HK1: variants seen among roughly 807,000 people sequenced by gnomAD.
HK1 encodes the protein hexokinase-1.
Under a neutral mutation model 91.6 loss-of-function variants are expected in HK1, and 28 were observed. That is an observed-to-expected ratio of 0.31 (90% CI 0.23 to 0.42). The LOEUF is 0.42. Among genes scored for constraint, HK1 ranks in the 10% least tolerant of loss-of-function variants. HK1 has a pLI of 1.00. For synonymous variants in HK1, 430 were observed against 468.1 expected, an observed-to-expected ratio of 0.92 and a Z score of 1.05; for missense variants, 770 against 1,219.8, an observed-to-expected ratio of 0.63 and a Z score of 5.49.
intron 5 of HK1, among the ~76,000 whole-genome samples, chr10:69,304,145 A>G (rs1845998326): frequency 6.6e-6 from 1 of 152,182 alleles, no homozygotes. Flanking sequence ...CTCCAGCTGC[A>G]TGACTCCTAA....
At chr10:69,366,088 C>T (rs1849686691) in intron 4 of HK1, among the ~76,000 whole-genome samples, 1 of 152,144 alleles carries the variant, frequency 6.6e-6, no homozygotes, top group Non-Finnish European at 1.5e-5. Context: ...GCCTCGGCCC[C>T]TCAAAGTGCT....
At chr10:69,272,920 A>G (rs1191741447) in intron 1 of HK1, among the ~76,000 whole-genome samples, 3 of 151,012 alleles carry the variant, frequency 2.0e-5, no homozygotes, top group African/African-American at 4.9e-5. Context: ...ATATGCAAAC[A>G]TTAGAGCATT....
At chr10:69,393,651 T>C (rs778254496) in intron 15 of HK1, among the ~76,000 whole-genome samples, 29 of 152,222 alleles carry the variant, frequency 1.9e-4, no homozygotes, top group African/African-American at 6.5e-4. Flanking sequence ...GAAGAACCAA[T>C]AGTACCATAA....
chr10:69,400,873 G>A (rs1216607939), intron 17 of HK1, 118 bp from the exon 18 acceptor site: 2 of 1,108,664 alleles, frequency 1.8e-6, no homozygotes, highest in African/African-American at 1.5e-5. Flanking sequence ...TCACAAAGTC[G>A]AAGAATCCTA....
intron 3 of HK1, chr10:69,288,912 A>G: frequency 1.4e-6 from 1 of 727,314 alleles, no homozygotes; most frequent in Non-Finnish European, 2.4e-6. Context: ...TCAGCCTCCC[A>G]GTAGCTGGGA....
chr10:69,313,296 C>T (rs1433037574), upstream of HK1, among the ~76,000 whole-genome samples: 3 of 151,976 alleles, frequency 2.0e-5, no homozygotes, highest in Non-Finnish European at 2.9e-5. Context: ...GCTCCCCTAC[C>T]CTGTCTAAAG....
In HK1 at chr10:69,395,209, T is replaced by A. The variant is rs1011858213; in HGVS notation, c.2375+104T>A. On this transcript the variant is annotated intron_variant, in intron 16 of 17. Coordinates refer to ENST00000359426, the MANE Select transcript of HK1 (RefSeq NM_000188.3). Reference sequence around the variant, plus strand: ...GGACCCTAGGGGACATTTTGGCCATTTTTGAGGATTTTTTTTCCTCTGGAA... The same window carrying A: ...GGACCCTAGGGGACATTTTGGCCATATTTGAGGATTTTTTTTCCTCTGGAA... 4.7e-6 allele frequency: 5 copies of A among 1,070,560 alleles called. No individual in the cohort carries two copies. The Admixed American group carries it at 8.1e-5, about 17-fold the overall frequency. The allele number at this position is 1,070,560 out of a possible 1,614,324, so 66.3% of individuals were successfully genotyped here. A position where few individuals can be genotyped will look rare whatever the true frequency, so the allele number is the denominator to read the frequency against.
At chr10:69,335,154 T>G (rs1488470398) in intron 1 of HK1, among the ~76,000 whole-genome samples, 1 of 151,922 alleles carries the variant, frequency 6.6e-6, no homozygotes, top group Non-Finnish European at 1.5e-5. Context: ...GAAACTAGGT[T>G]CCCGGCTGCC....
intron 2 of HK1, among the ~76,000 whole-genome samples, chr10:69,358,693 C>G (rs957458725): frequency 6.6e-6 from 1 of 152,016 alleles, no homozygotes; most frequent in African/African-American, 2.4e-5. Context: ...GAAGCCCTGT[C>G]TCTACTAAAA....
rs558926739 is a variant in HK1, at chr10:69,335,515, C to G, written c.64-8312C>G. Among the ~76,000 whole-genome samples the G allele has an allele frequency of 3.0e-3, 461 of 152,322 alleles. 2 individuals are homozygous for G. The highest frequency in any genetic ancestry group is 4.9e-3 in the Non-Finnish European group (331 of 68,020). On this transcript the variant is annotated intron_variant, in intron 1 of 17. Coordinates refer to ENST00000359426, the MANE Select transcript of HK1 (RefSeq NM_000188.3). Reference sequence around the variant, plus strand: ...CTCCAGGAAGCCCCTGGCCCTGGCTCTCCCTGGACTGAGAGGATAGAGCAC... The same window carrying G: ...CTCCAGGAAGCCCCTGGCCCTGGCTGTCCCTGGACTGAGAGGATAGAGCAC...
At chr10:69,287,657 T>C (rs923701425) in intron 2 of HK1, among the ~76,000 whole-genome samples, 3 of 152,138 alleles carry the variant, frequency 2.0e-5, no homozygotes, top group African/African-American at 7.2e-5. Context: ...TATAGAGTGA[T>C]GAAAATTTTC....
chr10:69,367,651 G>C (rs1342143067), intron 4 of HK1, among the ~76,000 whole-genome samples: 1 of 152,090 alleles, frequency 6.6e-6, no homozygotes, highest in Non-Finnish European at 1.5e-5. Context: ...GGCTCCCACC[G>C]TGAGCTGGGG....
intron 14 of HK1, 73 bp downstream of exon 14, chr10:69,389,369 C>T: frequency 9.0e-7 from 1 of 1,107,512 alleles, no homozygotes; most frequent in Admixed American, 2.0e-5. Context: ...GGGCCTTGGC[C>T]CAGCAGCTTG....
intron 2 of HK1, among the ~76,000 whole-genome samples, chr10:69,356,711 C>T (rs755132062): frequency 3.3e-5 from 5 of 151,938 alleles, no homozygotes; most frequent in African/African-American, 4.8e-5. Context: ...AGTGAAACCC[C>T]GTCTCTACTA....
chr10:69,334,782 A>G (rs777708240), intron 1 of HK1, among the ~76,000 whole-genome samples: 46 of 152,268 alleles, frequency 3.0e-4, no homozygotes, highest in Non-Finnish European at 5.4e-4. Context: ...GTGTCCCTGC[A>G]ACGCCCAGGA....
chr10:69,290,023 C>G (rs1487230365), intron 3 of HK1, among the ~76,000 whole-genome samples: 1 of 152,102 alleles, frequency 6.6e-6, no homozygotes, highest in Non-Finnish European at 1.5e-5. Flanking sequence ...GAGTAGCGGG[C>G]TCATTTCAAA....
intron 12 of HK1, among the ~76,000 whole-genome samples, chr10:69,385,652 A>G (rs935829958): frequency 6.6e-6 from 1 of 152,236 alleles, no homozygotes; most frequent in Non-Finnish European, 1.5e-5. Flanking sequence ...GTCTTAGGCC[A>G]GGGTTTAAGG....
chr10:69,361,408 C>T (rs1251409433), intron 3 of HK1, among the ~76,000 whole-genome samples: 2 of 152,230 alleles, frequency 1.3e-5, no homozygotes, highest in African/African-American at 4.8e-5. Flanking sequence ...CTTCTCCTTG[C>T]AGGTGGCCAG....
At chr10:69,277,041 A>G (rs960187862) in intron 1 of HK1, among the ~76,000 whole-genome samples, 2 of 152,070 alleles carry the variant, frequency 1.3e-5, no homozygotes, top group African/African-American at 2.4e-5. Flanking sequence ...GTTTTGACGG[A>G]GAGATATTAT....
Sources: gnomAD v4.1 joint callset for allele counts (sites outside exome capture counted in the v4.1 genomes callset) on GRCh38, gnomAD v4.1.1 for gene constraint, MANE v1.5 for transcripts, NCBI Gene and HGNC (gene_info 2026-07-23, HGNC 2026-07-21) for gene names.